FADS2: variants seen among roughly 807,000 people sequenced by gnomAD.
FADS2 encodes fatty acid desaturase 2.
Under a neutral mutation model 61.2 loss-of-function variants are expected in FADS2, and 18 were observed. The observed-to-expected ratio is 0.29, with a 90% CI of 0.20 to 0.44. The LOEUF is 0.44. FADS2 is among the 20% of genes least tolerant of loss of function. The pLI is 1.00. For synonymous variants in FADS2, 203 were observed against 223.9 expected, an observed-to-expected ratio of 0.91 and a Z score of 0.83; for missense variants, 322 against 572.7, an observed-to-expected ratio of 0.56 and a Z score of 4.47.
intron 5 of FADS2, among the ~76,000 whole-genome samples, chr11:61,850,874 G>C (rs1484523343): frequency 2.0e-5 from 3 of 152,124 alleles, no homozygotes; most frequent in African/African-American, 7.2e-5. Context: ...GGCGCCTAAG[G>C]CTTGGAACAA....
chr11:61,845,768 G>C (rs894779504), intron 4 of FADS2, among the ~76,000 whole-genome samples: 25 of 132,966 alleles, frequency 1.9e-4, no homozygotes, highest in African/African-American at 7.2e-4. Context: ...TGGGCGACAA[G>C]AGCAAAACTC....
At chr11:61,834,370 G>A (rs751380942) in intron 1 of FADS2, among the ~76,000 whole-genome samples, 11 of 152,252 alleles carry the variant, frequency 7.2e-5, no homozygotes, top group Non-Finnish European at 1.5e-4. Flanking sequence ...TGGAGCCCAG[G>A]ACTTTGCTTC....
At chr11:61,864,186 G>GTT (rs551908563) in intron 10 of FADS2, 153 of 144,858 alleles carry the variant, frequency 1.1e-3, no homozygotes, top group Admixed American at 4.8e-3. Flanking sequence ...TCTTGTCACT[G>GTT]TTTTTTTTTT....
chr11:61,839,216 T>A (rs1460141803), intron 2 of FADS2, among the ~76,000 whole-genome samples: 1 of 152,120 alleles, frequency 6.6e-6, no homozygotes, highest in African/African-American at 2.4e-5. Context: ...CCTGCGCTAG[T>A]TTGTGTCGCC....
intron 1 of FADS2, among the ~76,000 whole-genome samples, chr11:61,833,877 A>G (rs1172266345): frequency 6.6e-6 from 1 of 152,162 alleles, no homozygotes; most frequent in East Asian, 1.9e-4. Flanking sequence ...GGGTCCATTT[A>G]TTCCCTCGTG....
Position 61,866,575 on chromosome 11 carries a change from C to G in FADS2, c.*886C>G, listed in dbSNP as rs2067472884. ...GATTCTGGAGCAATCTGACCCTTCT[C>G]CAAAGGCTCTGTTATCAGCTGGGCA... On this transcript the variant is annotated 3_prime_UTR_variant, in exon 12 of 12. Coordinates refer to ENST00000278840, the MANE Select transcript of FADS2 (RefSeq NM_004265.4). 1 of 152,346 alleles carries G rather than the reference C, an allele frequency of 6.6e-6. No homozygotes were observed. Among genetic ancestry groups the G allele is most frequent in the Non-Finnish European group, 1.5e-5 (1 of 68,040 alleles). 9.4% of individuals were successfully genotyped at this position (152,346 alleles called of 1,614,324 possible).
intron 5 of FADS2, among the ~76,000 whole-genome samples, chr11:61,851,794 C>T (rs368321342): frequency 9.9e-5 from 15 of 152,252 alleles, no homozygotes; most frequent in African/African-American, 3.4e-4. Flanking sequence ...GTGAATAGCG[C>T]GGGCTCCGCA....
chr11:61,859,135 G>A (rs555255690), intron 7 of FADS2, among the ~76,000 whole-genome samples: 4 of 152,126 alleles, frequency 2.6e-5, no homozygotes, highest in Admixed American at 1.3e-4. Context: ...TCGGCTCACC[G>A]AAACCTCTGC....
chr11:61,846,954 CT>C (rs5792239), intron 4 of FADS2: 59,401 of 147,212 alleles, frequency 0.4, 12,297 homozygotes, highest in East Asian at 0.56. Flanking sequence ...ACAGTTCTCA[CT>C]TTTTTTTTTT....
intron 5 of FADS2, among the ~76,000 whole-genome samples, chr11:61,853,156 A>AAACAACAACAAC (rs143352979): frequency 6.7e-6 from 1 of 149,436 alleles, no homozygotes; most frequent in Non-Finnish European, 1.5e-5. Context: ...CTCCGTCTCA[A>AAACAACAACAAC]AACAACAACA....
At chr11:61,836,912 C>G (rs1362347913) in intron 1 of FADS2, among the ~76,000 whole-genome samples, 1 of 152,136 alleles carries the variant, frequency 6.6e-6, no homozygotes, top group African/African-American at 2.4e-5. Flanking sequence ...CTGGTGCTGG[C>G]TCATCTCTAA....
intron 7 of FADS2, among the ~76,000 whole-genome samples, chr11:61,861,553 C>T (rs1281043607): frequency 6.6e-6 from 1 of 151,708 alleles, no homozygotes; most frequent in African/African-American, 2.4e-5. Context: ...CACACTATTG[C>T]ACCACACACA....
chr11:61,840,983 A>AT (rs1207575330), intron 4 of FADS2, among the ~76,000 whole-genome samples: 2 of 151,638 alleles, frequency 1.3e-5, no homozygotes, highest in African/African-American at 4.9e-5. Context: ...AGCGGATTGT[A>AT]TTTTTTGATG....
rs137978092 is a variant in FADS2, at chr11:61,845,920, C to T, written c.619-2239C>T. 5.6e-3 allele frequency among the ~76,000 whole-genome samples: 849 copies of T among 152,220 alleles called. 5 individuals carry two copies. The highest frequency in any genetic ancestry group is 8.3e-3 in the Non-Finnish European group (567 of 68,016). ...CCTCACTGCCTCCTTGTTGTCAGCC[C>T]GTCTTGCTTTCCTCCATCTGTTTGT... On this transcript the variant is annotated intron_variant, in intron 4 of 11. Transcript: ENST00000278840.
At chr11:61,857,569 G>C (rs1432987163) in intron 7 of FADS2, 39 bp downstream of exon 7, 1 of 1,570,508 alleles carries the variant, frequency 6.4e-7, no homozygotes, top group Admixed American at 1.7e-5. Context: ...TGGGGAGGAG[G>C]GTGACTGGGA....
intron 7 of FADS2, 160 bp from the exon 8 acceptor site, chr11:61,862,812 C>T (rs2067429408): frequency 1.6e-6 from 1 of 636,684 alleles, no homozygotes. Flanking sequence ...CCATGCAAAC[C>T]CCGAGCAAGC....
chr11:61,816,737 C>G lies in FADS2; in HGVS notation c.141+311C>G. The stretch of plus-strand genomic sequence containing the variant: ...GTAGGTCCCTGAGCCGCGGTCTCGG[C>G]GGCCACCGGGTCGGGGGCCATAGCT... On this transcript the variant is annotated intron_variant, in intron 1 of 11. Coordinates refer to the FADS2 transcript ENST00000257261. This position sits in a 1 kb window ranked among gnomAD's most constrained non-coding sequence, Gnocchi z 7.0. 2 of 1,555,682 alleles carry G rather than the reference C, an allele frequency of 1.3e-6. No homozygotes were observed.
intron 1 of FADS2, among the ~76,000 whole-genome samples, chr11:61,819,940 A>C (rs2067025366): frequency 6.6e-6 from 1 of 150,564 alleles, no homozygotes; most frequent in Non-Finnish European, 1.5e-5. Flanking sequence ...TAAAAAGACT[A>C]GGTTGGGCGC....
upstream of FADS2, among the ~76,000 whole-genome samples, chr11:61,824,218 C>T (rs2067051982): frequency 6.6e-6 from 1 of 151,620 alleles, no homozygotes; most frequent in Admixed American, 6.6e-5. Flanking sequence ...CCTGTCTCTA[C>T]TAAAAATACA....
Sources: allele counts gnomAD v4.1 joint callset (sites outside exome capture counted in the v4.1 genomes callset), GRCh38; gene constraint gnomAD v4.1.1; non-coding constraint Gnocchi (gnomAD v3.1); transcripts MANE v1.5; gene names NCBI Gene and HGNC (gene_info 2026-07-23, HGNC 2026-07-21).